Variants in SPICE1 observed in about 807,000 individuals in gnomAD.
SPICE1 encodes spindle and centriole associated protein 1, also known as spindle and centriole-associated protein 1.
A neutral mutation model predicts 102.7 loss-of-function variants in SPICE1; 75 were observed. The ratio of observed to expected loss-of-function variants is 0.73; its 90% CI spans 0.61 to 0.88. The LOEUF is 0.88. Ranked by LOEUF, SPICE1 falls within the 40% of genes least tolerant of loss-of-function variation. SPICE1 has a pLI of 0.00. For missense variants in SPICE1, 979 were observed against 1,020.1 expected, an observed-to-expected ratio of 0.96 and a Z score of 0.55; for synonymous variants, 308 against 350.3, an observed-to-expected ratio of 0.88 and a Z score of 1.35.
At chr3:113,459,389 C>T (rs1451414207) in intron 12 of SPICE1, 16 of 849,486 alleles carry the variant, frequency 1.9e-5, no homozygotes, top group Admixed American at 6.2e-5. Context: ...TCCCCCTCTC[C>T]GAGAAACACC....
At chr3:113,486,156 CAT>C (rs61506451) in intron 7 of SPICE1, among the ~76,000 whole-genome samples, 20 of 141,996 alleles carry the variant, frequency 1.4e-4, no homozygotes, top group Middle Eastern at 3.6e-3. Context: ...CCTAAATGAC[CAT>C]ATATATATAT....
chr3:113,470,073 C>T (rs1387553817), intron 7 of SPICE1, among the ~76,000 whole-genome samples: 1 of 152,204 alleles, frequency 6.6e-6, no homozygotes, highest in Non-Finnish European at 1.5e-5. Flanking sequence ...GCTATAAACA[C>T]TTTTATCACT....
At chr3:113,497,664 T>C (rs1346229618) in intron 4 of SPICE1, among the ~76,000 whole-genome samples, 3 of 146,798 alleles carry the variant, frequency 2.0e-5, no homozygotes, top group African/African-American at 7.7e-5. Context: ...TATAGTTATA[T>C]ATATATGCAT....
intron 7 of SPICE1, among the ~76,000 whole-genome samples, chr3:113,483,337 C>T (rs1288108249): frequency 6.6e-6 from 1 of 152,198 alleles, no homozygotes; most frequent in African/African-American, 2.4e-5. Context: ...AATATACAAT[C>T]ATGTCATCTG....
intron 2 of SPICE1, among the ~76,000 whole-genome samples, chr3:113,505,360 CT>C (rs1937088659): frequency 6.6e-6 from 1 of 151,820 alleles, no homozygotes; most frequent in Non-Finnish European, 1.5e-5. Context: ...GAGTCACATC[CT>C]TGTTATTAAA....
At chr3:113,478,220 A>T (rs1936407847) in intron 7 of SPICE1, among the ~76,000 whole-genome samples, 1 of 152,160 alleles carries the variant, frequency 6.6e-6, no homozygotes, top group Admixed American at 6.5e-5. Context: ...CATATCAGTA[A>T]GTGTTATAAG....
chr3:113,507,927 G>C (rs1028723941), intron 1 of SPICE1, among the ~76,000 whole-genome samples: 2 of 152,112 alleles, frequency 1.3e-5, no homozygotes, highest in African/African-American at 2.4e-5. Flanking sequence ...AGAGCCATAA[G>C]TACCATTTAA....
intron 1 of SPICE1, among the ~76,000 whole-genome samples, chr3:113,512,625 T>C (rs1937244160): frequency 6.6e-6 from 1 of 152,098 alleles, no homozygotes; most frequent in Non-Finnish European, 1.5e-5. Flanking sequence ...GTCAGGCTGG[T>C]CTCGAACTCC....
At chr3:113,496,949 G>T (rs972955122) in intron 4 of SPICE1, among the ~76,000 whole-genome samples, 1 of 152,324 alleles carries the variant, frequency 6.6e-6, no homozygotes, top group African/African-American at 2.4e-5. Context: ...CAAGGTAGAA[G>T]ACAATCTGTG....
intron 1 of SPICE1, among the ~76,000 whole-genome samples, chr3:113,513,552 A>G (rs117995169): frequency 2.0e-5 from 3 of 152,346 alleles, no homozygotes; most frequent in East Asian, 3.9e-4. Context: ...TTGCTGATAT[A>G]TAACTGGTTG....
In SPICE1 at chr3:113,468,879, C is replaced by G. The variant is rs751937464; in HGVS notation, c.772G>C (p.Ala258Pro). The change falls in exon 9 of 18, where the codon GCT becomes CCT. Residue 258 changes from alanine (A) to proline (P), a missense_variant. Transcript: ENST00000295872. ...AGCCTGGTTTGGAGTCTCTTGACAG[C>G]ATTGGTAGCATTCAGAGCAGCTAAA... ...EQRAALNATNAVKRLQTRLQP... is the reference protein window; with the variant it reads ...EQRAALNATNPVKRLQTRLQP... 1 of 1,613,134 alleles carries G rather than the reference C, an allele frequency of 6.2e-7. No homozygotes were observed. Among genetic ancestry groups the G allele is most frequent in the Non-Finnish European group, 8.5e-7 (1 of 1,179,806 alleles).
At position 113,460,632 on chromosome 3, in the gene SPICE1, C is replaced by T. The variant is rs201155937; in HGVS notation, c.1420G>A (p.Val474Ile). 4 of 1,612,512 alleles carry T rather than the reference C, an allele frequency of 2.5e-6. No homozygotes were observed. The highest frequency in any genetic ancestry group is 2.5e-6 in the Non-Finnish European group (3 of 1,179,084). ...ASESGATGRRVMDSPERPVVN... is the reference protein window; with the variant it reads ...ASESGATGRRIMDSPERPVVN... ...CCACACTCACCTGGACTGTCCATAA[C>T]TCTTCTACCTGTGGCTCCGCTTTCT... is the stretch of plus-strand genomic sequence containing the variant. Residue 474 changes from valine to isoleucine, a missense_variant, in exon 12 of 18, where the codon GTT becomes ATT. Val to Ile is a conservative substitution (Grantham distance 29). Coordinates refer to ENST00000295872, the MANE Select transcript of SPICE1 (RefSeq NM_144718.4).
chr3:113,488,885 C>T, intron 7 of SPICE1, 60 bp downstream of exon 7: 1 of 960,864 alleles, frequency 1.0e-6, no homozygotes, highest in Non-Finnish European at 1.6e-6. Flanking sequence ...AATAGGCAAA[C>T]ATTGAAATGG....
Position 113,494,109 on chromosome 3 carries a change from A to G in SPICE1, c.325T>C (p.Leu109=), listed in dbSNP as rs1239569612. The G allele has an allele frequency of 6.2e-7, 1 of 1,612,478 alleles. No individual in the cohort carries two copies. The highest frequency in any genetic ancestry group is 1.3e-5 in the African/African-American group (1 of 74,914). Residue 109 remains leucine (L), a synonymous_variant, in exon 5 of 18, where the codon TTG becomes CTG. Transcript: ENST00000295872. ...LSDQYQMQDV[L]EKSDHLIAAA... is the part of the protein sequence containing the mutation. ...GCTATTAGATGATCAGATTTCTCCA[A>G]CACATCTTGCATCTGGTATTGATCA...
intron 10 of SPICE1, among the ~76,000 whole-genome samples, chr3:113,467,194 A>G (rs1263368254): frequency 6.6e-6 from 1 of 152,260 alleles, no homozygotes; most frequent in African/African-American, 2.4e-5. Context: ...AGTACATAAC[A>G]GTTTAAATAG....
chr3:113,511,377 T>C (rs759424300), intron 1 of SPICE1, among the ~76,000 whole-genome samples: 4 of 152,156 alleles, frequency 2.6e-5, no homozygotes, highest in African/African-American at 4.8e-5. Context: ...CCATCATTGA[T>C]AGACTGAATA....
intron 7 of SPICE1, among the ~76,000 whole-genome samples, chr3:113,480,311 T>C (rs1314063450): frequency 6.6e-6 from 1 of 151,900 alleles, no homozygotes; most frequent in Non-Finnish European, 1.5e-5. Flanking sequence ...GCTATATAAA[T>C]TGTTCCAGGA....
At chr3:113,506,432 C>T in intron 2 of SPICE1, 75 bp downstream of exon 2, 5 of 1,185,952 alleles carry the variant, frequency 4.2e-6, no homozygotes, top group Middle Eastern at 1.9e-4. Flanking sequence ...CACCATCTTG[C>T]ATGACTAGGG....
chr3:113,501,531 T>C (rs1013396704), intron 3 of SPICE1, among the ~76,000 whole-genome samples: 3 of 152,130 alleles, frequency 2.0e-5, no homozygotes, highest in Non-Finnish European at 4.4e-5. Context: ...GGAACTCAAA[T>C]CCAGAATACA....
Sources: gnomAD v4.1 joint callset for allele counts (sites outside exome capture counted in the v4.1 genomes callset) on GRCh38, gnomAD v4.1.1 for gene constraint, MANE v1.5 for transcripts, NCBI Gene and HGNC (gene_info 2026-07-23, HGNC 2026-07-21) for gene names.